The following LRRIQ3 variants were observed in gnomAD, a reference collection of about 807,000 sequenced individuals.
The protein encoded by LRRIQ3 is leucine rich repeats and IQ motif containing 3.
In LRRIQ3, 75 loss-of-function variants were observed where a neutral mutation model predicts 59.3. That is an observed-to-expected ratio of 1.26 (90% CI 1.05 to 1.53). The LOEUF is 1.53. Among genes scored for constraint, LRRIQ3 ranks in the 40% most tolerant of loss-of-function variants. The pLI is 0.00. For synonymous variants in LRRIQ3, 250 were observed against 231.3 expected, an observed-to-expected ratio of 1.08 and a Z score of -0.73; for missense variants, 831 against 710.0, an observed-to-expected ratio of 1.17 and a Z score of -1.94.
rs537667872 is a variant in LRRIQ3 at position 74,044,650 on chromosome 1, C to A, written c.998-2717G>T. 1.8e-3 allele frequency among the ~76,000 whole-genome samples: 273 copies of A among 152,124 alleles called. 1 individual carries two copies. Among genetic ancestry groups the A allele is most frequent in the African/African-American group, 6.1e-3 (255 of 41,494 alleles). On this transcript the variant is annotated intron_variant, in intron 6 of 7. Transcript: ENST00000354431. ...CTGAAGGAGACAGAGTCACAAAAAA[C>A]CCTTCAAAAAATCAATGAATCCAGG...
chr1:74,125,112 C>A (rs1646916837), intron 4 of LRRIQ3, among the ~76,000 whole-genome samples: 1 of 151,452 alleles, frequency 6.6e-6, no homozygotes, highest in Non-Finnish European at 1.5e-5. Context: ...AATTTTATTT[C>A]TAGCTATTGT....
chr1:74,049,419 G>GATTTTATGATA (rs2100411031), intron 6 of LRRIQ3, among the ~76,000 whole-genome samples: 1 of 152,242 alleles, frequency 6.6e-6, no homozygotes, highest in African/African-American at 2.4e-5. Flanking sequence ...TAGTGGCCCA[G>GATTTTATGATA]GTAAGATTTT....
intron 5 of LRRIQ3, among the ~76,000 whole-genome samples, chr1:74,090,630 G>C (rs979825781): frequency 5.3e-5 from 8 of 152,100 alleles, no homozygotes; most frequent in African/African-American, 1.9e-4. Flanking sequence ...GCTCACATCT[G>C]TAATCCCAGC....
intron 3 of LRRIQ3, chr1:74,180,332 T>A (rs1327638479): frequency 1.2e-5 from 2 of 163,952 alleles, no homozygotes; most frequent in African/African-American, 2.4e-5. Flanking sequence ...CAGCCTTTAT[T>A]GATCCCTGTA....
At chr1:74,130,669 G>A (rs951560504) in intron 4 of LRRIQ3, among the ~76,000 whole-genome samples, 19 of 151,972 alleles carry the variant, frequency 1.3e-4, no homozygotes, top group African/African-American at 3.9e-4. Flanking sequence ...ATCAGTAGAG[G>A]TTTCTATTCT....
Position 74,085,231 on chromosome 1 carries a change from C to T in LRRIQ3, c.868-10441G>A, listed in dbSNP as rs1646314185. On this transcript the variant is annotated intron_variant, in intron 5 of 7. Transcript: ENST00000354431. ...AAACAATATAAATAGAATTTGGATTCTGCTTTTTAAATGCAACAGATACTA... is the reference window on the plus strand; with the variant it reads ...AAACAATATAAATAGAATTTGGATTTTGCTTTTTAAATGCAACAGATACTA... Among the ~76,000 whole-genome samples, 7 of 150,186 alleles carry T rather than the reference C, an allele frequency of 4.7e-5. No homozygotes were observed. The South Asian group carries it at 1.5e-3, about 31-fold the overall frequency.
chr1:74,068,826 T>C (rs1464735453), intron 6 of LRRIQ3, among the ~76,000 whole-genome samples: 1 of 149,306 alleles, frequency 6.7e-6, no homozygotes, highest in African/African-American at 2.5e-5. Flanking sequence ...TTTAGGAGAA[T>C]GGTAAAAAAA....
intron 1 of LRRIQ3, among the ~76,000 whole-genome samples, chr1:74,185,650 A>T (rs1309712271): frequency 6.6e-6 from 1 of 152,164 alleles, no homozygotes; most frequent in African/African-American, 2.4e-5. Flanking sequence ...ATGCATAAAA[A>T]GTCCTTGAAA....
chr1:74,143,709 T>C (rs1240003445), intron 4 of LRRIQ3, among the ~76,000 whole-genome samples: 4 of 151,440 alleles, frequency 2.6e-5, no homozygotes, highest in Non-Finnish European at 5.9e-5. Context: ...CTATAACAAA[T>C]TATAATAATC....
chr1:74,089,362 T>A (rs984814602), intron 5 of LRRIQ3, among the ~76,000 whole-genome samples: 4 of 152,062 alleles, frequency 2.6e-5, no homozygotes, highest in African/African-American at 9.7e-5. Flanking sequence ...TACATGGATG[T>A]TTAGAGCAGC....
At chr1:74,173,080 C>A (rs976423279) in intron 3 of LRRIQ3, among the ~76,000 whole-genome samples, 1 of 151,752 alleles carries the variant, frequency 6.6e-6, no homozygotes, top group African/African-American at 2.4e-5. Context: ...GGCAGGTGGA[C>A]CACGAGGTCA....
intron 4 of LRRIQ3, among the ~76,000 whole-genome samples, chr1:74,143,290 T>C (rs190382278): frequency 1.6e-4 from 24 of 152,130 alleles, no homozygotes; most frequent in Middle Eastern, 6.8e-3. Context: ...GATTCTTTAA[T>C]AGTATTTTAA....
chr1:74,107,517 C>A (rs12139129), intron 5 of LRRIQ3, among the ~76,000 whole-genome samples: 123,527 of 150,352 alleles, frequency 0.82, 52,448 homozygotes, highest in East Asian at 0.97. Flanking sequence ...CAAAATAATA[C>A]AAGATAAAAG....
chr1:74,132,760 C>T (rs1199736027), intron 4 of LRRIQ3, among the ~76,000 whole-genome samples: 2 of 152,124 alleles, frequency 1.3e-5, no homozygotes, highest in Middle Eastern at 3.4e-3. Context: ...CCATAAAAAC[C>T]CTAGAAGAAA....
intron 6 of LRRIQ3, among the ~76,000 whole-genome samples, chr1:74,050,797 C>T (rs1214180484): frequency 1.3e-5 from 2 of 152,150 alleles, no homozygotes; most frequent in Non-Finnish European, 2.9e-5. Context: ...GCATAAACTT[C>T]TGTCACGTAC....
intron 5 of LRRIQ3, among the ~76,000 whole-genome samples, chr1:74,104,853 C>T (rs1187430909): frequency 6.6e-6 from 1 of 152,004 alleles, no homozygotes; most frequent in Admixed American, 6.6e-5. Flanking sequence ...ATGGGTCCAT[C>T]TATTTAATAA....
rs1215473025 is a variant in LRRIQ3 at position 74,155,675 on chromosome 1, C to A, written c.707+58G>T. ...AATTATTGGAGAATTGACTTCTTAT[C>A]ATTTATTTCTTCACCTTCTTATTTC... On this transcript the variant is annotated intron_variant, in intron 4 of 7. Coordinates refer to ENST00000354431, the MANE Select transcript of LRRIQ3 (RefSeq NM_001105659.2). The A allele has an allele frequency of 4.1e-6, 6 of 1,446,408 alleles. No homozygotes were observed. The African/African-American group carries it at 8.9e-5, about 21-fold the overall frequency. The allele number at this position is 1,446,408 out of a possible 1,614,324, so 89.6% of individuals were successfully genotyped here. A position where few individuals can be genotyped will look rare whatever the true frequency, so the allele number is the denominator to read the frequency against.
chr1:74,139,849 G>A (rs1647199137), intron 4 of LRRIQ3, among the ~76,000 whole-genome samples: 1 of 151,742 alleles, frequency 6.6e-6, no homozygotes, highest in Non-Finnish European at 1.5e-5. Flanking sequence ...GAAGAGTAAA[G>A]GTACTAATTA....
intron 3 of LRRIQ3, among the ~76,000 whole-genome samples, chr1:74,158,732 C>T (rs1648490618): frequency 6.6e-6 from 1 of 152,102 alleles, no homozygotes; most frequent in South Asian, 2.1e-4. Context: ...AAAAGAAGCA[C>T]CCTGCTCTTT....
Sources: gnomAD v4.1 joint callset for allele counts (sites outside exome capture counted in the v4.1 genomes callset) on GRCh38, gnomAD v4.1.1 for gene constraint, MANE v1.5 for transcripts, NCBI Gene and HGNC (gene_info 2026-07-23, HGNC 2026-07-21) for gene names.